MROH2B: variants seen among roughly 807,000 people sequenced by gnomAD.
MROH2B encodes maestro heat like repeat family member 2B, also known as maestro heat-like repeat-containing protein family member 2B.
In MROH2B, 177 loss-of-function variants were observed where a neutral mutation model predicts 208.6. That is an observed-to-expected ratio of 0.85 (90% confidence interval 0.75 to 0.96). The LOEUF (loss-of-function observed/expected upper bound fraction) is 0.96. Among genes scored for constraint, MROH2B ranks in the 40% least tolerant of loss-of-function variants. The pLI, the probability that MROH2B is intolerant of heterozygous loss-of-function variation, is 0.00. For synonymous variants in MROH2B, 728 were observed against 659.0 expected (o/e 1.10, Z -1.60); for missense variants, 2,002 against 1,878.7 (o/e 1.07, Z -1.21).
In MROH2B at chr5:41,070,147, T is replaced by C. The variant is rs185001376; in HGVS notation, c.29-395A>G. Among the ~76,000 whole-genome samples the C allele has an allele frequency of 2.2e-3, 336 of 152,198 alleles. 1 individual carries two copies. The highest frequency in any genetic ancestry group is 3.6e-3 in the Non-Finnish European group (245 of 68,022). On this transcript the variant is annotated intron_variant, in intron 1 of 41. Transcript: ENST00000399564. Reference sequence around the variant, plus strand: ...TGCAACATAGCTGTTTATTTTTCACTGGTCCTCCCCTCAATACCTCTCCCA... The same window carrying C: ...TGCAACATAGCTGTTTATTTTTCACCGGTCCTCCCCTCAATACCTCTCCCA...
At position 41,055,808 on chromosome 5, in the gene MROH2B, T is replaced by C; in HGVS notation, c.967A>G (p.Arg323Gly). Residue 323 changes from arginine (R) to glycine (G), a missense_variant, in exon 10 of 42, where the codon AGA becomes GGA. Arg to Gly is a moderately radical substitution (Grantham distance 125). Coordinates refer to ENST00000399564, the MANE Select transcript of MROH2B (RefSeq NM_173489.5). ...ACTCGAATGGCTTCATTATTACTTC[T>C]TACTTGTTCATCAAAAAATTCCATC... ...ELMEFFDEQVRSNNEAIRVGI... is the reference protein window; with the variant it reads ...ELMEFFDEQVGSNNEAIRVGI... The C allele has an allele frequency of 6.2e-7, 1 of 1,613,870 alleles. No homozygotes were observed.
In MROH2B at chr5:41,027,152, C is replaced by A. The variant is rs564304117; in HGVS notation, c.2441+5590G>T. On this transcript the variant is annotated intron_variant, in intron 24 of 41. Coordinates refer to ENST00000399564, the MANE Select transcript of MROH2B (RefSeq NM_173489.5). ...GGCAAGGACTTCATGTCTAAAACAC[C>A]AAAAGCAATGGCAACAAAAGCAAAA... Among the ~76,000 whole-genome samples, 7 of 152,236 alleles carry A rather than the reference C, an allele frequency of 4.6e-5. No homozygotes were observed. The East Asian group carries it at 1.3e-3, about 29-fold the overall frequency.
At chr5:41,023,150 G>A (rs1444161583) in intron 24 of MROH2B, among the ~76,000 whole-genome samples, 1 of 152,174 alleles carries the variant, frequency 6.6e-6, no homozygotes, top group East Asian at 1.9e-4. Flanking sequence ...CCCCTCCAAA[G>A]GAAAGCAGCT....
intron 21 of MROH2B, chr5:41,034,151 A>G (rs1478667547): frequency 8.8e-6 from 7 of 794,646 alleles, no homozygotes; most frequent in Non-Finnish European, 1.1e-5. Flanking sequence ...CAATCATTTT[A>G]AAGAGGCTCA....
intron 15 of MROH2B, 49 bp from the exon 16 acceptor site, chr5:41,048,514 G>A (rs1166203913): frequency 6.5e-7 from 1 of 1,530,912 alleles, no homozygotes; most frequent in African/African-American, 1.4e-5. Flanking sequence ...GCGTTTAAAA[G>A]CCCCACTTAT....
At chr5:41,002,318 A>T (rs1262846084) in intron 37 of MROH2B, among the ~76,000 whole-genome samples, 3 of 152,222 alleles carry the variant, frequency 2.0e-5, no homozygotes, top group African/African-American at 7.2e-5. Context: ...CAATGTCCTC[A>T]TGTTCACTTG....
intron 2 of MROH2B, 148 bp from the exon 3 acceptor site, chr5:41,067,366 T>C: frequency 1.8e-6 from 1 of 556,100 alleles, no homozygotes; most frequent in Non-Finnish European, 3.1e-6. Context: ...GAGGCTTTCT[T>C]TTTTTTTTCT....
At chr5:41,054,314 T>C (rs775167928) in intron 11 of MROH2B, among the ~76,000 whole-genome samples, 7 of 152,214 alleles carry the variant, frequency 4.6e-5, no homozygotes, top group Non-Finnish European at 7.3e-5. Context: ...TATTGAGCAA[T>C]CCGCTATGTG....
intron 26 of MROH2B, 126 bp downstream of exon 26, chr5:41,018,565 G>T (rs1249508302): frequency 1.4e-6 from 2 of 1,406,140 alleles, no homozygotes; most frequent in African/African-American, 2.8e-5. Flanking sequence ...GTAGATGGCT[G>T]TATGTGGGGT....
At chr5:41,013,808 A>G (rs770741511) in intron 29 of MROH2B, among the ~76,000 whole-genome samples, 6 of 152,190 alleles carry the variant, frequency 3.9e-5, no homozygotes, top group African/African-American at 1.2e-4. Flanking sequence ...GGCATTTGAC[A>G]TATTTTCCCT....
intron 24 of MROH2B, among the ~76,000 whole-genome samples, chr5:41,026,707 C>T (rs1463503012): frequency 6.6e-6 from 1 of 151,970 alleles, no homozygotes; most frequent in Non-Finnish European, 1.5e-5. Context: ...CATATGGAAC[C>T]AAAAAAGGGC....
chr5:41,065,051 A>C (rs1434622987), intron 4 of MROH2B, among the ~76,000 whole-genome samples: 2 of 152,234 alleles, frequency 1.3e-5, no homozygotes, highest in African/African-American at 4.8e-5. Context: ...AGTGGTTTAT[A>C]GAATACACCT....
chr5:41,061,424 G>A, intron 6 of MROH2B, 146 bp downstream of exon 6: 3 of 679,326 alleles, frequency 4.4e-6, no homozygotes, highest in Non-Finnish European at 6.7e-6. Flanking sequence ...GAAATAGGTG[G>A]GAAAAAAGAA....
intron 19 of MROH2B, among the ~76,000 whole-genome samples, chr5:41,041,027 A>T (rs1210081439): frequency 6.6e-6 from 1 of 152,160 alleles, no homozygotes; most frequent in Non-Finnish European, 1.5e-5. Flanking sequence ...ATATGCTTAT[A>T]TTTAAAATCA....
In MROH2B at chr5:41,001,571, C is replaced by T. The variant is rs1279251907; in HGVS notation, c.4195-738G>A. ...ACTAAAAATATAAAAATTAGCCAGGCCTGGTGGCACGTGCCTGTAGTCACA... is the reference window on the plus strand; with the variant it reads ...ACTAAAAATATAAAAATTAGCCAGGTCTGGTGGCACGTGCCTGTAGTCACA... On this transcript the variant is annotated intron_variant, in intron 37 of 41. Coordinates refer to ENST00000399564, the MANE Select transcript of MROH2B (RefSeq NM_173489.5). Among the ~76,000 whole-genome samples, 3 of 151,942 alleles carry T rather than the reference C, an allele frequency of 2.0e-5. No homozygotes were observed. The East Asian group carries it at 5.8e-4, about 29-fold the overall frequency.
chr5:41,060,505 C>T (rs561835608), intron 6 of MROH2B, among the ~76,000 whole-genome samples: 1 of 152,172 alleles, frequency 6.6e-6, no homozygotes, highest in Non-Finnish European at 1.5e-5. Context: ...TCTCCCATCA[C>T]ACTCACTCAG....
chr5:41,017,774 G>T, intron 28 of MROH2B, 76 bp downstream of exon 28: 2 of 1,476,804 alleles, frequency 1.4e-6, no homozygotes, highest in Non-Finnish European at 9.0e-7. Context: ...AGACATAGGT[G>T]CATAAGGAGA....
Position 41,033,094 on chromosome 5 carries a change from C to T in MROH2B, c.2308G>A (p.Glu770Lys), listed in dbSNP as rs1342429120. 7.4e-6 allele frequency: 12 copies of T among 1,613,000 alleles called. No individual in the cohort carries two copies. The Admixed American group carries it at 1.5e-4, about 20-fold the overall frequency. The change falls in exon 23 of 42, where the codon GAG becomes AAG. Residue 770 changes from glutamate (E) to lysine (K), a missense_variant. By Grantham distance (56) the Glu-to-Lys change is moderately conservative (BLOSUM62 1). Transcript: ENST00000399564. Reference sequence around the variant, plus strand: ...TAGGAAAACTGGAACCCCTGATCCTCAGCATCTTGGACAGCAATGCCAATC... The same window carrying T: ...TAGGAAAACTGGAACCCCTGATCCTTAGCATCTTGGACAGCAATGCCAATC... ...TEIGIAVQDA[E>K]DQGFQFSYKE...
chr5:41,058,606 C>T (rs1024830452), intron 6 of MROH2B, among the ~76,000 whole-genome samples: 15 of 152,086 alleles, frequency 9.9e-5, no homozygotes, highest in African/African-American at 3.6e-4. Context: ...TACAGGTGCC[C>T]ACCAGCATGC....
Sources: allele counts gnomAD v4.1 joint callset (sites outside exome capture counted in the v4.1 genomes callset), GRCh38; gene constraint gnomAD v4.1.1; transcripts MANE v1.5; gene names NCBI Gene and HGNC (gene_info 2026-07-23, HGNC 2026-07-21).